Variants in IQSEC3 observed in about 807,000 individuals in gnomAD.
IQSEC3 encodes the protein IQ motif and SEC7 domain-containing protein 3.
Under a neutral mutation model 105.4 loss-of-function variants are expected in IQSEC3, and 50 were observed. The observed-to-expected ratio is 0.47, with a 90% confidence interval of 0.38 to 0.60. The LOEUF (loss-of-function observed/expected upper bound fraction) is 0.60. IQSEC3 is among the 20% of genes least tolerant of loss of function. The probability of loss-of-function intolerance (pLI) is 0.00; values close to 1 mark genes in which losing one functional copy is unlikely to be tolerated. For synonymous variants in IQSEC3, 708 were observed against 746.0 expected, an observed-to-expected ratio of 0.95 and a Z score of 0.83; for missense variants, 1,415 against 1,630.0, an observed-to-expected ratio of 0.87 and a Z score of 2.27.
At chr12:125,566 AC>A in intron 2 of IQSEC3, 66 bp from the exon 3 acceptor site, 2 of 1,403,824 alleles carry the variant, frequency 1.4e-6, no homozygotes, top group Non-Finnish European at 1.8e-6. Context: ...TCTCTCCCCG[AC>A]CCCCACATCC....
intron 7 of IQSEC3, among the ~76,000 whole-genome samples, chr12:159,012 G>A (rs995891845): frequency 1.4e-4 from 21 of 152,174 alleles, no homozygotes; most frequent in African/African-American, 4.8e-4. Context: ...ATTATAGAAT[G>A]TAAGGATTTA....
intron 1 of IQSEC3, among the ~76,000 whole-genome samples, chr12:89,334 G>A (rs1864012451): frequency 6.6e-6 from 1 of 152,142 alleles, no homozygotes; most frequent in African/African-American, 2.4e-5. Context: ...ATCATTAGGT[G>A]ATCTGGGGGC....
intron 1 of IQSEC3, among the ~76,000 whole-genome samples, chr12:88,547 C>T (rs1863987349): frequency 6.6e-6 from 1 of 152,150 alleles, no homozygotes; most frequent in African/African-American, 2.4e-5. Flanking sequence ...GCAGGGGGTC[C>T]CTGTGGAGAT....
At chr12:141,026 A>G (rs1865998251) in intron 4 of IQSEC3, 98 bp from the exon 5 acceptor site, 2 of 1,271,984 alleles carry the variant, frequency 1.6e-6, no homozygotes, top group African/African-American at 3.0e-5. Flanking sequence ...TGGATTTCCA[A>G]GAACCTCTGG....
chr12:77,900 G>A (rs566270526), intron 1 of IQSEC3, among the ~76,000 whole-genome samples: 2,570 of 151,334 alleles, frequency 0.017, 91 homozygotes, highest in African/African-American at 0.058. Flanking sequence ...TCGGCGGCGT[G>A]GGCGGGCCGG....
intron 2 of IQSEC3, among the ~76,000 whole-genome samples, chr12:103,781 A>C: frequency 2.8e-4 from 1 of 3,588 alleles, no homozygotes; most frequent in African/African-American, 1.1e-3. Flanking sequence ...TCAGGAGGGG[A>C]GGCGGGGCTC....
intron 2 of IQSEC3, among the ~76,000 whole-genome samples, chr12:104,849 C>T (rs1356327454): frequency 6.6e-6 from 1 of 152,250 alleles, no homozygotes; most frequent in Non-Finnish European, 1.5e-5. Flanking sequence ...GTGATGGGGC[C>T]TGAAACATGA....
In IQSEC3 at chr12:138,495, G is replaced by C. The variant is rs1555087252; in HGVS notation, c.1132G>C (p.Gly378Arg). The C allele has an allele frequency of 5.0e-6, 8 of 1,588,678 alleles. No individual in the cohort carries two copies. Among genetic ancestry groups the C allele is most frequent in the Non-Finnish European group, 6.0e-6 (7 of 1,173,478 alleles). The part of the protein sequence containing the change: ...KALMEGYGLV[G>R]LPLVRSPSLP... ...GCTCATGGAGGGCTACGGCCTCGTG[G>C]GGCTGCCGCTGGTGCGCTCGCCCTC... The change falls in exon 4 of 14, where the codon GGG becomes CGG. Residue 378 changes from glycine to arginine, a missense_variant. Gly to Arg is a moderately radical substitution (Grantham distance 125, BLOSUM62 -2). This residue lies in a region of IQSEC3 where 720 missense variants were observed against 633.0 expected (regional missense o/e 1.14). Transcript: ENST00000538872. The surrounding 1 kb of genome is among the most constrained non-coding windows in gnomAD (Gnocchi z 7.1).
chr12:125,623 C>T lies in IQSEC3; in HGVS notation c.624-10C>T, dbSNP rs1340486983. 2.0e-6 allele frequency: 3 copies of T among 1,489,700 alleles called. No individual in the cohort carries two copies. The East Asian group carries it at 7.3e-5, about 36-fold the overall frequency. The allele number at this position is 1,489,700 out of a possible 1,614,324, so 92.3% of individuals were successfully genotyped here. A position where few individuals can be genotyped will look rare whatever the true frequency, so the allele number is the denominator to read the frequency against. ...TCCCCCAACCGAGCACCGTTGCCTT[C>T]TGTTCACAGTGATGGCTCCTGCACC... On this transcript the variant is annotated splice_polypyrimidine_tract_variant and intron_variant, in intron 2 of 13. Coordinates refer to ENST00000538872, the MANE Select transcript of IQSEC3 (RefSeq NM_001170738.2).
rs1001019571 is a variant in IQSEC3 at position 133,151 on chromosome 12, C to T, written c.904-5116C>T. Among the ~76,000 whole-genome samples, 3 of 152,148 alleles carry T rather than the reference C, an allele frequency of 2.0e-5. 1 individual carries two copies. The highest frequency in any genetic ancestry group is 1.3e-4 in the Admixed American group (2 of 15,274). On this transcript the variant is annotated intron_variant, in intron 3 of 13. Coordinates refer to ENST00000538872, the MANE Select transcript of IQSEC3 (RefSeq NM_001170738.2). ...TGAGAAGGTATCCACCTGGGGAGCA[C>T]GTTTACAGTGACCTGGAAGGCTCTG...
chr12:150,190 G>A (rs187534809), intron 5 of IQSEC3, among the ~76,000 whole-genome samples: 77 of 152,308 alleles, frequency 5.1e-4, no homozygotes, highest in African/African-American at 1.8e-3. Flanking sequence ...GGCAGCCAGC[G>A]CACAGCCAGT....
At chr12:98,142 G>A (rs369585528) in intron 1 of IQSEC3, among the ~76,000 whole-genome samples, 2 of 152,180 alleles carry the variant, frequency 1.3e-5, no homozygotes. Flanking sequence ...TGCCTAGGAC[G>A]GCAACTGCTT....
At chr12:119,484 G>A (rs963865157) in intron 2 of IQSEC3, among the ~76,000 whole-genome samples, 8 of 152,192 alleles carry the variant, frequency 5.3e-5, no homozygotes, top group African/African-American at 1.9e-4. Context: ...CACAGATCTG[G>A]GGGCAGAGAG....
chr12:124,563 C>A (rs1555082652), intron 2 of IQSEC3, among the ~76,000 whole-genome samples: 2 of 152,170 alleles, frequency 1.3e-5, no homozygotes, highest in African/African-American at 4.8e-5. Context: ...GAGGAAAAGC[C>A]AGTTGCCCAA....
intron 2 of IQSEC3, among the ~76,000 whole-genome samples, chr12:109,514 T>C (rs1187902965): frequency 6.6e-6 from 1 of 152,114 alleles, no homozygotes; most frequent in Admixed American, 6.5e-5. Context: ...TCCTGAACCC[T>C]TTCTACACCC....
intron 2 of IQSEC3, among the ~76,000 whole-genome samples, chr12:115,243 A>G (rs575243283): frequency 6.6e-6 from 1 of 152,322 alleles, no homozygotes; most frequent in African/African-American, 2.4e-5. Context: ...TTCCTCTGGC[A>G]TGTGGTAAAC....
chr12:106,858 C>G (rs1555078022), intron 2 of IQSEC3: 1 of 152,138 alleles, frequency 6.6e-6, no homozygotes, highest in Non-Finnish European at 1.5e-5. Flanking sequence ...AATAACATGA[C>G]CATAAAAATG....
chr12:75,640 G>T (rs1367400483), intron 1 of IQSEC3, among the ~76,000 whole-genome samples: 2 of 152,266 alleles, frequency 1.3e-5, no homozygotes, highest in Non-Finnish European at 2.9e-5. Flanking sequence ...GGCAGCAGAG[G>T]TTGGTGTCGC....
chr12:166,974 T>C (rs570597434), intron 11 of IQSEC3: 1 of 152,244 alleles, frequency 6.6e-6, no homozygotes, highest in Non-Finnish European at 1.5e-5. Flanking sequence ...TTCTATACTT[T>C]CCACTGGAGA....
Sources: allele counts gnomAD v4.1 joint callset (sites outside exome capture counted in the v4.1 genomes callset), GRCh38; gene constraint gnomAD v4.1.1; regional missense constraint gnomAD v4.1.1; non-coding constraint Gnocchi (gnomAD v3.1); transcripts MANE v1.5; gene names NCBI Gene and HGNC (gene_info 2026-07-23, HGNC 2026-07-21).